STPG2: variants seen among roughly 807,000 people sequenced by gnomAD.
The protein encoded by STPG2 is sperm-tail PG-rich repeat-containing protein 2.
Under a neutral mutation model 54.2 loss-of-function variants are expected in STPG2, and 56 were observed. The observed-to-expected ratio is 1.03, with a 90% CI of 0.83 to 1.29. The LOEUF is 1.29. STPG2 is among the 50% of genes most tolerant of loss of function. The probability of loss-of-function intolerance (pLI) is 0.00; values close to 1 mark genes in which losing one functional copy is unlikely to be tolerated. For missense variants in STPG2, 596 were observed against 544.9 expected (o/e 1.09, Z -0.93); for synonymous variants, 200 against 181.8 (o/e 1.10, Z -0.81).
rs141762886 is a variant in STPG2, at chr4:97,903,859, G to T, written c.1044+40038C>A. 6.0e-3 allele frequency among the ~76,000 whole-genome samples: 920 copies of T among 152,270 alleles called. 27 individuals carry two copies. In the East Asian group the frequency reaches 0.096, roughly 16 times the overall value. On this transcript the variant is annotated intron_variant, in intron 8 of 10. Transcript: ENST00000295268. Reference sequence around the variant, plus strand: ...TGACAGATGGCACCTGGAAAATCGGGTCACTCCCACCCGAATACTGCGCTT... The same window carrying T: ...TGACAGATGGCACCTGGAAAATCGGTTCACTCCCACCCGAATACTGCGCTT...
intron 8 of STPG2, among the ~76,000 whole-genome samples, chr4:97,894,525 T>C (rs1730888900): frequency 6.6e-6 from 1 of 151,952 alleles, no homozygotes; most frequent in African/African-American, 2.4e-5. Context: ...CCATTTCTTA[T>C]GATCATTTCT....
chr4:97,748,821 G>A (rs538510697), intron 9 of STPG2, among the ~76,000 whole-genome samples: 4 of 151,610 alleles, frequency 2.6e-5, no homozygotes, highest in East Asian at 1.9e-4. Context: ...CTTCAAAACC[G>A]TGTTAAGTTC....
intron 4 of STPG2, among the ~76,000 whole-genome samples, chr4:97,544,641 T>C (rs1170572137): frequency 6.6e-6 from 1 of 151,908 alleles, no homozygotes; most frequent in Non-Finnish European, 1.5e-5. Flanking sequence ...AAGCAGGAAA[T>C]TAACATGGCT....
intron 8 of STPG2, among the ~76,000 whole-genome samples, chr4:97,880,273 G>A (rs1312510658): frequency 6.6e-6 from 1 of 152,128 alleles, no homozygotes; most frequent in Non-Finnish European, 1.5e-5. Flanking sequence ...GTTTCAATGG[G>A]ATCAGGTTCA....
At chr4:97,702,978 T>C (rs1328259494) in intron 10 of STPG2, among the ~76,000 whole-genome samples, 2 of 152,120 alleles carry the variant, frequency 1.3e-5, no homozygotes, top group Non-Finnish European at 2.9e-5. Context: ...AGTATCTGCT[T>C]CTGAGGCTGG....
intron 10 of STPG2, among the ~76,000 whole-genome samples, chr4:97,630,849 A>G (rs143431003): frequency 4.7e-4 from 72 of 152,016 alleles, no homozygotes; most frequent in African/African-American, 1.6e-3. Flanking sequence ...TAACTGATTC[A>G]GAAATGCAAT....
At chr4:97,929,036 C>A (rs1468829642) in intron 8 of STPG2, among the ~76,000 whole-genome samples, 1 of 152,116 alleles carries the variant, frequency 6.6e-6, no homozygotes, top group Non-Finnish European at 1.5e-5. Context: ...CCTTCTCCCA[C>A]CCTCCACCCT....
At chr4:97,459,449 T>G (rs1056570496) in intron 4 of STPG2, among the ~76,000 whole-genome samples, 16 of 149,250 alleles carry the variant, frequency 1.1e-4, no homozygotes, top group East Asian at 2.0e-4. Flanking sequence ...TGTTTTTTTT[T>G]TTTTTTTTGA....
chr4:98,072,079 A>G (rs1372639408), intron 5 of STPG2, among the ~76,000 whole-genome samples: 1 of 152,224 alleles, frequency 6.6e-6, no homozygotes, highest in Non-Finnish European at 1.5e-5. Context: ...AAGGAATGTA[A>G]ATCATTCTAT....
chr4:97,518,531 G>A (rs528903953), intron 4 of STPG2, among the ~76,000 whole-genome samples: 114 of 152,130 alleles, frequency 7.5e-4, no homozygotes, highest in African/African-American at 2.7e-3. Flanking sequence ...TATATAATAT[G>A]GGAAAAATCA....
At chr4:98,073,156 G>C (rs1294919886) in intron 5 of STPG2, among the ~76,000 whole-genome samples, 1 of 152,006 alleles carries the variant, frequency 6.6e-6, no homozygotes, top group Non-Finnish European at 1.5e-5. Flanking sequence ...AATACTGCTA[G>C]ATAAAAGAGG....
At chr4:97,782,016 C>A (rs1438299786) in intron 9 of STPG2, among the ~76,000 whole-genome samples, 1 of 152,158 alleles carries the variant, frequency 6.6e-6, no homozygotes. Flanking sequence ...CCTTTGAAAA[C>A]TGGCACAAGA....
At chr4:97,851,919 T>C (rs565940999) in intron 8 of STPG2, among the ~76,000 whole-genome samples, 1 of 152,224 alleles carries the variant, frequency 6.6e-6, no homozygotes. Context: ...ATGCTAATGC[T>C]ACTGAGGCAG....
At chr4:97,708,802 A>T (rs958868431) in intron 10 of STPG2, among the ~76,000 whole-genome samples, 12 of 150,510 alleles carry the variant, frequency 8.0e-5, no homozygotes, top group African/African-American at 2.2e-4. Context: ...TCCCATAATT[A>T]AAAAAAAATA....
intron 9 of STPG2, among the ~76,000 whole-genome samples, chr4:97,827,236 C>CTTTT (rs34545198): frequency 2.3e-5 from 3 of 129,958 alleles, no homozygotes; most frequent in African/African-American, 5.7e-5. Flanking sequence ...CTATAGACAG[C>CTTTT]TTTTTTTTTT....
rs999254902 is a variant in STPG2, at chr4:97,898,803, AATG to A, written c.1044+45091_1044+45093del. The stretch of plus-strand genomic sequence containing the variant: ...TGAAAGGATATGGGGAAGAGAGAAA[AATG>A]ATGAGCAAAATTCGTATCTTTTATA... On this transcript the variant is annotated intron_variant, in intron 8 of 10. Transcript: ENST00000295268. 9.2e-5 allele frequency among the ~76,000 whole-genome samples: 14 copies of A among 151,778 alleles called. No individual in the cohort carries two copies. The South Asian group carries it at 1.4e-3, about 16-fold the overall frequency.
chr4:98,011,865 G>A (rs1159954728), intron 5 of STPG2, among the ~76,000 whole-genome samples: 3 of 152,114 alleles, frequency 2.0e-5, no homozygotes. Context: ...TTAGACCTTT[G>A]TCAGATGGGT....
At chr4:97,783,753 A>G (rs536427083) in intron 9 of STPG2, among the ~76,000 whole-genome samples, 1 of 152,358 alleles carries the variant, frequency 6.6e-6, no homozygotes, top group East Asian at 1.9e-4. Flanking sequence ...ATAAAAAAGG[A>G]TGAGTTCACA....
intron 9 of STPG2, among the ~76,000 whole-genome samples, chr4:97,837,804 A>G (rs549290248): frequency 6.6e-6 from 1 of 151,804 alleles, no homozygotes; most frequent in East Asian, 1.9e-4. Context: ...AAATAAATAC[A>G]TGGCTATAAC....
Sources: gnomAD v4.1 joint callset for allele counts (sites outside exome capture counted in the v4.1 genomes callset) on GRCh38, gnomAD v4.1.1 for gene constraint, MANE v1.5 for transcripts, NCBI Gene and HGNC (gene_info 2026-07-23, HGNC 2026-07-21) for gene names.